GK5: variants seen among roughly 807,000 people sequenced by gnomAD.
GK5 encodes glycerol kinase 5.
GK5 carries 39 observed loss-of-function variants against 77.3 expected under a neutral mutation model. The ratio of observed to expected loss-of-function variants is 0.50; its 90% confidence interval spans 0.39 to 0.66. GK5 has a LOEUF of 0.66. Ranked by LOEUF, GK5 falls within the 30% of genes least tolerant of loss-of-function variation. The probability of loss-of-function intolerance (pLI) is 0.00; values close to 1 mark genes in which losing one functional copy is unlikely to be tolerated. For synonymous variants in GK5, 211 were observed against 208.0 expected (o/e 1.01, Z -0.13); for missense variants, 487 against 633.8 (o/e 0.77, Z 2.49).
chr3:142,219,508 T>C (rs962130834), intron 1 of GK5, among the ~76,000 whole-genome samples: 1 of 152,198 alleles, frequency 6.6e-6, no homozygotes, highest in African/African-American at 2.4e-5. Flanking sequence ...TTATATGACA[T>C]TCTCAAAAAG....
At chr3:142,222,296 T>C (rs770591302) in intron 1 of GK5, among the ~76,000 whole-genome samples, 7 of 152,242 alleles carry the variant, frequency 4.6e-5, no homozygotes, top group Non-Finnish European at 1.0e-4. Context: ...CCAGGCGCAG[T>C]GGCTCATGCC....
At chr3:142,168,931 A>AC (rs2063504058) in intron 15 of GK5, among the ~76,000 whole-genome samples, 3 of 152,076 alleles carry the variant, frequency 2.0e-5, no homozygotes, top group South Asian at 4.2e-4. Flanking sequence ...ACCATCTCTT[A>AC]CCCTCTCCTC....
chr3:142,220,593 C>T (rs2064331202), intron 1 of GK5, among the ~76,000 whole-genome samples: 1 of 152,134 alleles, frequency 6.6e-6, no homozygotes, highest in Non-Finnish European at 1.5e-5. Flanking sequence ...CTTATAATGG[C>T]CTATAAGACC....
chr3:142,172,087 A>T lies in GK5; in HGVS notation c.1247+266T>A, dbSNP rs573182337. On this transcript the variant is annotated intron_variant, in intron 13 of 15. Coordinates refer to ENST00000392993, the MANE Select transcript of GK5 (RefSeq NM_001039547.3). ...TGAAAATCCAAATTTTGAATCTTGC[A>T]TGCTTAAGAAATTGAATTTTTTAAA... Among the ~76,000 whole-genome samples, 3 of 152,276 alleles carry T rather than the reference A, an allele frequency of 2.0e-5. No individual in the cohort carries two copies. The East Asian group carries it at 5.8e-4, about 29-fold the overall frequency.
chr3:142,211,880 G>C lies in GK5; in HGVS notation c.317+1646C>G, dbSNP rs960413983. The stretch of plus-strand genomic sequence containing the variant: ...AAACCAATGTTCTAGTCACCTCTGA[G>C]ATATCTCCACATTCACACGTCCAAA... On this transcript the variant is annotated intron_variant, in intron 3 of 15. Coordinates refer to ENST00000392993, the MANE Select transcript of GK5 (RefSeq NM_001039547.3). Among the ~76,000 whole-genome samples the C allele has an allele frequency of 2.0e-5, 3 of 152,154 alleles. No individual in the cohort carries two copies. The South Asian group carries it at 6.2e-4, about 31-fold the overall frequency.
chr3:142,209,984 G>T (rs2064170565), intron 3 of GK5, among the ~76,000 whole-genome samples: 2 of 151,116 alleles, frequency 1.3e-5, no homozygotes, highest in African/African-American at 4.9e-5. Flanking sequence ...GAATTTAAAA[G>T]AACCAAAATG....
rs2064126311 is a variant in GK5, at chr3:142,207,498, T to C, written c.318-2710A>G. ...TTAGAAATTACTGATGCACACATTA[T>C]ATTGTAAATTCTTATCTCTGTATAC... On this transcript the variant is annotated intron_variant, in intron 3 of 15. Transcript: ENST00000392993. Among the ~76,000 whole-genome samples the C allele has an allele frequency of 2.0e-5, 3 of 152,244 alleles. No individual in the cohort carries two copies. The South Asian group carries it at 6.2e-4, about 32-fold the overall frequency.
At chr3:142,224,153 T>C (rs370954368) in intron 1 of GK5, among the ~76,000 whole-genome samples, 2 of 152,214 alleles carry the variant, frequency 1.3e-5, no homozygotes, top group South Asian at 4.2e-4. Flanking sequence ...GCCTGTAATC[T>C]TGGCACTTAG....
chr3:142,181,742 C>T (rs960768045), intron 10 of GK5, among the ~76,000 whole-genome samples, 177 bp from the exon 11 acceptor site: 3 of 152,180 alleles, frequency 2.0e-5, no homozygotes, highest in Non-Finnish European at 4.4e-5. Context: ...AAGTTTCTAA[C>T]CTTTTAGCCT....
intron 9 of GK5, chr3:142,184,744 AAG>A: frequency 2.6e-6 from 1 of 381,946 alleles, no homozygotes; most frequent in South Asian, 1.1e-4. Flanking sequence ...GCTGAGGCAG[AAG>A]AGTCACTTGA....
Position 142,165,741 on chromosome 3 carries a change from T to C in GK5, c.1471A>G (p.Lys491Glu), listed in dbSNP as rs967135819. ...AAAACCACTTCACTTTGTCTCAGTT[T>C]CTTTAGTTCCTCCTTGTCAGTCCAA... ...GFWTDKEELK[K>E]LRQSEVVFKP... The change falls in exon 16 of 16, where the codon AAA (lysine) becomes GAA (glutamate). Residue 491 changes from lysine to glutamate, a missense_variant. Coordinates refer to ENST00000392993, the MANE Select transcript of GK5 (RefSeq NM_001039547.3). 6.2e-7 allele frequency: 1 copy of C among 1,612,632 alleles called. No individual in the cohort carries two copies. The highest frequency in any genetic ancestry group is 8.5e-7 in the Non-Finnish European group (1 of 1,179,312).
intron 14 of GK5, 65 bp downstream of exon 14, chr3:142,171,354 G>A: frequency 7.4e-7 from 1 of 1,347,522 alleles, no homozygotes; most frequent in African/African-American, 1.5e-5. Context: ...ATGAGTGGTA[G>A]CTCATAGCAG....
intron 6 of GK5, among the ~76,000 whole-genome samples, chr3:142,187,364 G>C (rs1312022724): frequency 1.3e-5 from 2 of 152,012 alleles, no homozygotes; most frequent in African/African-American, 2.4e-5. Flanking sequence ...AGCACTTTGG[G>C]AGGCTGAGGC....
At chr3:142,178,086 G>A (rs1309764138) in intron 11 of GK5, among the ~76,000 whole-genome samples, 1 of 152,006 alleles carries the variant, frequency 6.6e-6, no homozygotes, top group African/African-American at 2.4e-5. Context: ...TTGAACTCCT[G>A]ACCTCAGGTG....
intron 5 of GK5, among the ~76,000 whole-genome samples, chr3:142,196,762 A>G (rs1490747336): frequency 4.6e-5 from 7 of 152,146 alleles, no homozygotes; most frequent in African/African-American, 1.7e-4. Context: ...AATTCCATGT[A>G]CACTTCAAGA....
intron 12 of GK5, among the ~76,000 whole-genome samples, chr3:142,173,592 G>A (rs1320162948): frequency 1.3e-5 from 2 of 152,268 alleles, no homozygotes; most frequent in Non-Finnish European, 2.9e-5. Flanking sequence ...GCTGAGGCAG[G>A]AGAATGGCGT....
intron 11 of GK5, among the ~76,000 whole-genome samples, chr3:142,180,610 CTT>C (rs1394803578): frequency 6.6e-6 from 1 of 152,120 alleles, no homozygotes; most frequent in Non-Finnish European, 1.5e-5. Flanking sequence ...CCTTCTTTCT[CTT>C]TCTTTGTTTC....
In GK5 at chr3:142,163,119, A is replaced by C. The variant is rs1377769380; in HGVS notation, c.*2503T>G. The C allele has an allele frequency of 6.6e-6, 1 of 152,172 alleles. No homozygotes were observed. Among genetic ancestry groups the C allele is most frequent in the African/African-American group, 2.4e-5 (1 of 41,442 alleles). The allele number at this position is 152,172 out of a possible 1,614,324, so 9.4% of individuals were successfully genotyped here. ...TTAGTTAAGTCCAAAAATATTTATT[A>C]AAGTCTTATCACTAAAAATGGCCAC... On this transcript the variant is annotated 3_prime_UTR_variant, in exon 16 of 16. Transcript: ENST00000392993.
chr3:142,169,758 G>A (rs535684163), intron 15 of GK5, among the ~76,000 whole-genome samples: 3 of 144,038 alleles, frequency 2.1e-5, no homozygotes, highest in Admixed American at 1.5e-4. Flanking sequence ...TGCAACCTTC[G>A]CCTTCCCAGG....
Sources: allele counts gnomAD v4.1 joint callset (sites outside exome capture counted in the v4.1 genomes callset), GRCh38; gene constraint gnomAD v4.1.1; transcripts MANE v1.5; gene names NCBI Gene and HGNC (gene_info 2026-07-23, HGNC 2026-07-21).